PCDH18: variants seen among roughly 807,000 people sequenced by gnomAD.
The protein encoded by PCDH18 is protocadherin-18.
PCDH18 carries 38 observed loss-of-function variants against 71.5 expected under a neutral mutation model. That is an observed-to-expected ratio of 0.53 (90% confidence interval 0.41 to 0.70). The LOEUF is 0.70. Ranked by LOEUF, PCDH18 falls within the 30% of genes least tolerant of loss-of-function variation. The pLI is 0.00. For synonymous variants in PCDH18, 565 were observed against 505.4 expected (o/e 1.12, Z -1.58); for missense variants, 1,334 against 1,384.6 (o/e 0.96, Z 0.58).
In PCDH18 at chr4:137,531,279, G is replaced by A. The variant is rs1352519118; in HGVS notation, c.810C>T (p.Ala270=). 2 of 1,613,874 alleles carry A rather than the reference G, an allele frequency of 1.2e-6. No homozygotes were observed. The highest frequency in any genetic ancestry group is 1.7e-6 in the Non-Finnish European group (2 of 1,179,758). ...PVGTLLLDLN[A]TDPDEGANGK... Reference sequence around the variant, plus strand: ...CATTAGCGCCCTCATCTGGATCCGTGGCATTCAGATCTAAGAGCAAAGTGC... The same window carrying A: ...CATTAGCGCCCTCATCTGGATCCGTAGCATTCAGATCTAAGAGCAAAGTGC... Residue 270 remains alanine (A), a synonymous_variant, in exon 1 of 4, where the codon GCC becomes GCT. Coordinates refer to ENST00000344876, the MANE Select transcript of PCDH18 (RefSeq NM_019035.5).
rs757600261 is a variant in PCDH18, at chr4:137,531,209, T to C, written c.880A>G (p.Met294Val). Residue 294 changes from methionine to valine, a missense_variant, in exon 1 of 4, where the codon ATG becomes GTG. Physicochemically the swap from Met to Val is conservative, Grantham distance 21. Transcript: ENST00000344876. ...SFSSHVSPKI[M>V]ETFKIDSERG... The stretch of plus-strand genomic sequence containing the variant: ...TCAGAATCAATTTTAAAAGTCTCCA[T>C]AATTTTGGGAGACACATGACTGCTG... 4 of 1,611,998 alleles carry C rather than the reference T, an allele frequency of 2.5e-6. No individual in the cohort carries two copies. The South Asian group carries it at 3.3e-5, about 13-fold the overall frequency.
rs1731623570 is a variant in PCDH18 at position 137,530,257 on chromosome 4, C to A, written c.1832G>T (p.Gly611Val). ...GGCGCAGCTGAGTTCAGCATTCACACCAGAGTCTCTGTCAATTGCCCTTAT... is the reference window on the plus strand; with the variant it reads ...GGCGCAGCTGAGTTCAGCATTCACAACAGAGTCTCTGTCAATTGCCCTTAT... ...TRIRAIDRDS[G>V]VNAELSCAIV... is the part of the protein sequence containing the mutation. Residue 611 changes from glycine (G) to valine (V), a missense_variant, in exon 1 of 4, where the codon GGT (glycine) becomes GTT (valine). Gly to Val is a moderately radical substitution (Grantham distance 109). Coordinates refer to ENST00000344876, the MANE Select transcript of PCDH18 (RefSeq NM_019035.5). 1 of 1,613,988 alleles carries A rather than the reference C, an allele frequency of 6.2e-7. No individual in the cohort carries two copies. The highest frequency in any genetic ancestry group is 8.5e-7 in the Non-Finnish European group (1 of 1,180,008).
At position 137,531,528 on chromosome 4, in the gene PCDH18, C is replaced by G; in HGVS notation, c.561G>C (p.Arg187=). ...SANDFFNIEV[R]TRTDGAKYAE... is the part of the protein sequence containing the mutation. ...CATACTTGGCTCCATCAGTCCTGGT[C>G]CGAACCTCGATATTAAAAAAATCAT... Residue 187 remains arginine, a synonymous_variant, in exon 1 of 4, where the codon CGG becomes CGC. Transcript: ENST00000344876. 1.2e-6 allele frequency: 2 copies of G among 1,613,568 alleles called. No homozygotes were observed. The highest frequency in any genetic ancestry group is 1.3e-5 in the African/African-American group (1 of 74,982).
intron 3 of PCDH18, among the ~76,000 whole-genome samples, chr4:137,522,689 A>T (rs1374051267): frequency 2.0e-5 from 3 of 152,190 alleles, no homozygotes; most frequent in African/African-American, 7.2e-5. Context: ...GTTACTAGCT[A>T]TACTTATATA....
rs141773073 is a variant in PCDH18, at chr4:137,530,235, G to A, written c.1854C>T (p.Cys618=). Residue 618 remains cysteine, a synonymous_variant, in exon 1 of 4, where the codon TGC becomes TGT. Transcript: ENST00000344876. ...TCTCCTCATTACCTGCTACTATGGC[G>A]CAGCTGAGTTCAGCATTCACACCAG... ...RDSGVNAELS[C]AIVAGNEENI... 313 of 1,614,008 alleles carry A rather than the reference G, an allele frequency of 1.9e-4. 2 individuals are homozygous for A. In the East Asian group the frequency reaches 4.6e-3, roughly 24 times the overall value.
In PCDH18 at chr4:137,521,504, T is replaced by C; in HGVS notation, c.2933A>G (p.Glu978Gly). ...AAAGGTGGAAAAACTCTTCTTCTTT[T>C]CACCGGAATCTGCAGGCTGAGCGTC... ...EDDAQPADSG[E>G]KKKSFSTFGK... is the part of the protein sequence containing the mutation. The change falls in exon 4 of 4, where the codon GAA (glutamate) becomes GGA (glycine). Residue 978 changes from glutamate to glycine, a missense_variant. This residue lies in a region of PCDH18 where 319 missense variants were observed against 316.3 expected (regional missense o/e 1.01). Transcript: ENST00000344876. 2 of 1,614,164 alleles carry C rather than the reference T, an allele frequency of 1.2e-6. No homozygotes were observed. Among genetic ancestry groups the C allele is most frequent in the Non-Finnish European group, 1.7e-6 (2 of 1,180,026 alleles).
Position 137,530,156 on chromosome 4 carries a change from C to G in PCDH18, c.1933G>C (p.Asp645His), listed in dbSNP as rs1278409095. ...TCCCATTCTGTGTAGGGAACAGAAT[C>G]CATGCTAACGTTGGTATGGATGTCA... is the stretch of plus-strand genomic sequence containing the variant. ...SCDIHTNVSM[D>H]SVPYTEWELS... The change falls in exon 1 of 4, where the codon GAT becomes CAT. Residue 645 changes from aspartate to histidine, a missense_variant. Asp to His is a moderately conservative substitution (Grantham distance 81). Coordinates refer to ENST00000344876, the MANE Select transcript of PCDH18 (RefSeq NM_019035.5). The G allele has an allele frequency of 6.2e-7, 1 of 1,613,094 alleles. No homozygotes were observed. The highest frequency in any genetic ancestry group is 1.1e-5 in the South Asian group (1 of 90,984).
rs151070417 is a variant in PCDH18 at position 137,521,373 on chromosome 4, T to C, written c.3064A>G (p.Thr1022Ala). 0.01 allele frequency: 16,602 copies of C among 1,614,146 alleles called. 146 individuals carry two copies. Among genetic ancestry groups the C allele is most frequent in the Middle Eastern group, 0.036 (218 of 6,058 alleles). Reference sequence around the variant, plus strand: ...TCCACCTCACTGCATTCAGAATAGGTGTCCAGGGAAGGCGGTAAGAGACGC... The same window carrying C: ...TCCACCTCACTGCATTCAGAATAGGCGTCCAGGGAAGGCGGTAAGAGACGC... ...FQRLLPPSLD[T>A]YSECSEVDRS... Residue 1022 changes from threonine to alanine, a missense_variant, in exon 4 of 4, where the codon ACC becomes GCC. Thr to Ala is a moderately conservative substitution (Grantham distance 58). Transcript: ENST00000344876.
rs77991111 is a variant in PCDH18 at position 137,529,444 on chromosome 4, C to T, written c.2487+158G>A. 743 of 532,952 alleles carry T rather than the reference C, an allele frequency of 1.4e-3. 7 individuals carry two copies. Among genetic ancestry groups the T allele is most frequent in the African/African-American group, 0.012 (634 of 53,402 alleles). 33.0% of individuals were successfully genotyped at this position (532,952 alleles called of 1,614,324 possible). ...ACTAAAAACAGTATGCTAAAGTGTG[C>T]ATCTTTGCTACATATTCACAATGTA... On this transcript the variant is annotated intron_variant, in intron 1 of 3. Coordinates refer to ENST00000344876, the MANE Select transcript of PCDH18 (RefSeq NM_019035.5).
In PCDH18 at chr4:137,529,834, C is replaced by T. The variant is rs750196231; in HGVS notation, c.2255G>A (p.Arg752Gln). Residue 752 changes from arginine (R) to glutamine (Q), a missense_variant, in exon 1 of 4, where the codon CGG (arginine) becomes CAG (glutamine). By Grantham distance (43) the Arg-to-Gln change is conservative (BLOSUM62 1). Coordinates refer to ENST00000344876, the MANE Select transcript of PCDH18 (RefSeq NM_019035.5). The stretch of plus-strand genomic sequence containing the variant: ...TGTGATGTCCCCTTTGTGAATCTGC[C>T]GGGATGGCCTTTTTGGGTGGTGCTG... ...TYQHHPKRPS[R>Q]QIHKGDITLV... 38 of 1,610,624 alleles carry T rather than the reference C, an allele frequency of 2.4e-5. No individual in the cohort carries two copies. Among genetic ancestry groups the T allele is most frequent in the South Asian group, 4.4e-5 (4 of 90,788 alleles).
chr4:137,532,436 C>T lies in PCDH18; in HGVS notation c.-348G>A. On this transcript the variant is annotated 5_prime_UTR_variant, in exon 1 of 4. Transcript: ENST00000344876. ...TGTCTTTCCTGAGCGATTCTTTCTC[C>T]CTTTAGCTGCTCGGCTGCAGACTAA... 1.5e-6 allele frequency: 1 copy of T among 673,632 alleles called. No individual in the cohort carries two copies. Among genetic ancestry groups the T allele is most frequent in the Non-Finnish European group, 2.7e-6 (1 of 369,946 alleles). The allele number at this position is 673,632 out of a possible 1,614,324, so 41.7% of individuals were successfully genotyped here. A position where few individuals can be genotyped will look rare whatever the true frequency, so the allele number is the denominator to read the frequency against.
intron 1 of PCDH18, 126 bp downstream of exon 1, chr4:137,529,476 A>T: frequency 1.6e-6 from 1 of 617,428 alleles, no homozygotes. Context: ...TGTAACTTGT[A>T]TCCTACTTAA....
rs985164576 is a variant in PCDH18, at chr4:137,529,006, T to C, written c.2488-186A>G. 3 of 589,256 alleles carry C rather than the reference T, an allele frequency of 5.1e-6. No homozygotes were observed. The East Asian group carries it at 8.4e-5, about 16-fold the overall frequency. 36.5% of individuals were successfully genotyped at this position (589,256 alleles called of 1,614,324 possible). ...CCAGCTACCAACTATAACTAAAATA[T>C]ATCTCAGAGAGATTTGGATGACCTA... is the stretch of plus-strand genomic sequence containing the variant. On this transcript the variant is annotated intron_variant, in intron 1 of 3. Transcript: ENST00000344876.
In PCDH18 at chr4:137,521,604, T is replaced by C. The variant is rs1257646354; in HGVS notation, c.2833A>G (p.Ser945Gly). 3.1e-6 allele frequency: 5 copies of C among 1,613,740 alleles called. No homozygotes were observed. The highest frequency in any genetic ancestry group is 4.2e-6 in the Non-Finnish European group (5 of 1,179,990). ...TCTTCCCCTGGAATGAACATGTTAC[T>C]CCTATAATCAGAAGACGGTGAGGGC... ...PLPSPSSDYRSNMFIPGEEFP... is the reference protein window; with the variant it reads ...PLPSPSSDYRGNMFIPGEEFP... Residue 945 changes from serine (S) to glycine (G), a missense_variant, in exon 4 of 4, where the codon AGT (serine) becomes GGT (glycine). Physicochemically the swap from Ser to Gly is moderately conservative, Grantham distance 56 (BLOSUM62 0). Coordinates refer to ENST00000344876, the MANE Select transcript of PCDH18 (RefSeq NM_019035.5).
chr4:137,521,653 A>C lies in PCDH18; in HGVS notation c.2784T>G (p.Ser928=). ...GCAGTGGTGGCATCCAGCACTGGTCAGAGTGTCCCAGGACCCTGCACTCCT... is the reference window on the plus strand; with the variant it reads ...GCAGTGGTGGCATCCAGCACTGGTCCGAGTGTCCCAGGACCCTGCACTCCT... ...CTEECRVLGH[S]DQCWMPPLPS... Residue 928 remains serine, a synonymous_variant, in exon 4 of 4, where the codon TCT becomes TCG. Transcript: ENST00000344876. 6.2e-7 allele frequency: 1 copy of C among 1,611,502 alleles called. No individual in the cohort carries two copies. The highest frequency in any genetic ancestry group is 8.5e-7 in the Non-Finnish European group (1 of 1,179,940).
At position 137,518,986 on chromosome 4, in the gene PCDH18, C is replaced by T. The variant is rs929737047; in HGVS notation, c.*2043G>A. The T allele has an allele frequency of 1.3e-5, 2 of 152,148 alleles. No homozygotes were observed. Among genetic ancestry groups the T allele is most frequent in the African/African-American group, 4.8e-5 (2 of 41,440 alleles). 9.4% of individuals were successfully genotyped at this position (152,148 alleles called of 1,614,324 possible). On this transcript the variant is annotated 3_prime_UTR_variant, in exon 4 of 4. Transcript: ENST00000344876. ...TTCAAAATAGCGGTTTTCAGCATAGCTTCCCATATTACTGCTGGTGCTTTA... is the reference window on the plus strand; with the variant it reads ...TTCAAAATAGCGGTTTTCAGCATAGTTTCCCATATTACTGCTGGTGCTTTA...
chr4:137,529,956 T>C lies in PCDH18; in HGVS notation c.2133A>G (p.Ala711=). 6.2e-7 allele frequency: 1 copy of C among 1,613,802 alleles called. No homozygotes were observed. The highest frequency in any genetic ancestry group is 8.5e-7 in the Non-Finnish European group (1 of 1,179,770). The change falls in exon 1 of 4, where the codon GCA becomes GCG. Residue 711 remains alanine (A), a synonymous_variant. Transcript: ENST00000344876. ...ATAGCACCATAATAACCAGCAACAC[T>C]GCACAAATTGCTCCTAAGGAAATAA... ...IIIISLGAIC[A]VLLVIMVLFA...
chr4:137,521,393 A>G lies in PCDH18; in HGVS notation c.3044T>C (p.Leu1015Pro). Residue 1015 changes from leucine to proline, a missense_variant, in exon 4 of 4, where the codon CTC (leucine) becomes CCC (proline). Leu to Pro is a moderately conservative substitution (Grantham distance 98). Coordinates refer to ENST00000344876, the MANE Select transcript of PCDH18 (RefSeq NM_019035.5). Reference protein sequence around the residue: ...LSEMSSVFQRLLPPSLDTYSE... With the variant: ...LSEMSSVFQRPLPPSLDTYSE... ...ATAGGTGTCCAGGGAAGGCGGTAAG[A>G]GACGCTGGAACACACTGCTCATTTC... 1 of 1,614,200 alleles carries G rather than the reference A, an allele frequency of 6.2e-7. No homozygotes were observed. Among genetic ancestry groups the G allele is most frequent in the Non-Finnish European group, 8.5e-7 (1 of 1,180,024 alleles).
Position 137,521,073 on chromosome 4 carries a change from C to G in PCDH18, c.3364G>C (p.Val1122Leu), listed in dbSNP as rs754250047. The part of the protein sequence containing the change: ...KHELMDASEL[V>L]AEINKLLQDV... ...TGAAGCAGTTTGTTAATCTCTGCCACCAGTTCACTGGCATCCATGAGTTCG... is the reference window on the plus strand; with the variant it reads ...TGAAGCAGTTTGTTAATCTCTGCCAGCAGTTCACTGGCATCCATGAGTTCG... Residue 1122 changes from valine to leucine, a missense_variant, in exon 4 of 4, where the codon GTG (valine) becomes CTG (leucine). By Grantham distance (32) the Val-to-Leu change is conservative (BLOSUM62 1). Around this residue, in one of 3 missense-constraint regions of PCDH18, gnomAD observed 319 missense variants for 316.3 expected, o/e 1.01. Coordinates refer to ENST00000344876, the MANE Select transcript of PCDH18 (RefSeq NM_019035.5). 1 of 1,611,078 alleles carries G rather than the reference C, an allele frequency of 6.2e-7. No individual in the cohort carries two copies. The highest frequency in any genetic ancestry group is 1.7e-5 in the Admixed American group (1 of 59,908).
Sources: gnomAD v4.1 joint callset for allele counts (sites outside exome capture counted in the v4.1 genomes callset) on GRCh38, gnomAD v4.1.1 for gene constraint, gnomAD v4.1.1 regional missense constraint, MANE v1.5 for transcripts, NCBI Gene and HGNC (gene_info 2026-07-23, HGNC 2026-07-21) for gene names.